Variants in GALNT2 observed in about 807,000 individuals in gnomAD.
GALNT2 encodes polypeptide N-acetylgalactosaminyltransferase 2.
Under a neutral mutation model 81.4 loss-of-function variants are expected in GALNT2, and 31 were observed. The observed-to-expected ratio is 0.38, with a 90% CI of 0.29 to 0.51. GALNT2 has a LOEUF of 0.51. GALNT2 is among the 20% of genes least tolerant of loss of function. The probability of loss-of-function intolerance (pLI) is 0.87; values close to 1 mark genes in which losing one functional copy is unlikely to be tolerated. For synonymous variants in GALNT2, 303 were observed against 287.4 expected, an observed-to-expected ratio of 1.05 and a Z score of -0.55; for missense variants, 629 against 765.7, an observed-to-expected ratio of 0.82 and a Z score of 2.11.
At chr1:230,170,869 C>T (rs547189137) in intron 1 of GALNT2, among the ~76,000 whole-genome samples, 46 of 152,220 alleles carry the variant, frequency 3.0e-4, no homozygotes, top group South Asian at 2.9e-3. Flanking sequence ...AGGGATCCAC[C>T]CCCATGACGC....
At chr1:230,202,664 C>G (rs1572081981) in intron 2 of GALNT2, among the ~76,000 whole-genome samples, 1 of 152,184 alleles carries the variant, frequency 6.6e-6, no homozygotes, top group African/African-American at 2.4e-5. Context: ...TTTTGATATC[C>G]TGTTCTTTAG....
At chr1:230,268,241 T>TAATGCAGATTTCACCA (rs2102771421) in intron 14 of GALNT2, 1 of 152,308 alleles carries the variant, frequency 6.6e-6, no homozygotes, top group African/African-American at 2.4e-5. Context: ...CACACAGCAT[T>TAATGCAGATTTCACCA]AATGCAGATT....
intron 1 of GALNT2, chr1:230,091,511 A>G (rs190744965): frequency 5.9e-5 from 9 of 152,324 alleles, no homozygotes; most frequent in Admixed American, 5.2e-4. Context: ...TATAGAATCA[A>G]TACCCTCTCC....
chr1:230,239,453 T>C (rs779692368), intron 6 of GALNT2, among the ~76,000 whole-genome samples: 2 of 152,194 alleles, frequency 1.3e-5, no homozygotes, highest in Admixed American at 1.3e-4. Context: ...CAGTCAGTGG[T>C]TGAATGTCCA....
At chr1:230,264,628 G>A (rs1033302413) in intron 13 of GALNT2, 2 of 152,308 alleles carry the variant, frequency 1.3e-5, no homozygotes, top group African/African-American at 2.4e-5. Context: ...TGCTTTACAC[G>A]AAATGTTCTA....
chr1:230,088,599 G>A (rs1055342534), intron 1 of GALNT2, among the ~76,000 whole-genome samples: 2 of 150,150 alleles, frequency 1.3e-5, no homozygotes, highest in African/African-American at 4.9e-5. Flanking sequence ...GTGCAGTGGC[G>A]CTATCTCGGC....
chr1:230,209,355 C>T (rs991216267), intron 3 of GALNT2, among the ~76,000 whole-genome samples: 3 of 146,448 alleles, frequency 2.0e-5, no homozygotes, highest in African/African-American at 5.3e-5. Context: ...TAAAGGGTGG[C>T]GCCCTGATCC....
intron 1 of GALNT2, among the ~76,000 whole-genome samples, chr1:230,111,118 G>T (rs1660691502): frequency 6.6e-6 from 1 of 152,292 alleles, no homozygotes; most frequent in Non-Finnish European, 1.5e-5. Context: ...TGGGCATGTG[G>T]CATGGGCATA....
intron 1 of GALNT2, among the ~76,000 whole-genome samples, chr1:230,136,997 C>T (rs1661570287): frequency 1.3e-5 from 2 of 152,216 alleles, no homozygotes; most frequent in Admixed American, 6.5e-5. Context: ...AGCATTTTTC[C>T]ATAGTCAGTG....
At chr1:230,202,165 G>A (rs773556536) in intron 2 of GALNT2, among the ~76,000 whole-genome samples, 11 of 152,032 alleles carry the variant, frequency 7.2e-5, no homozygotes, top group Admixed American at 6.6e-5. Context: ...GGCAAATGGC[G>A]AATGGTGCTT....
chr1:230,229,464 C>T (rs1664808960), intron 3 of GALNT2, among the ~76,000 whole-genome samples: 1 of 152,166 alleles, frequency 6.6e-6, no homozygotes, highest in Admixed American at 6.5e-5. Flanking sequence ...GCAGGATGAT[C>T]TCATGCAGGT....
At chr1:230,225,750 C>T (rs981853714) in intron 3 of GALNT2, among the ~76,000 whole-genome samples, 3 of 151,026 alleles carry the variant, frequency 2.0e-5, no homozygotes, top group African/African-American at 7.3e-5. Context: ...TCAAGTTATC[C>T]AGATGAGTCT....
At chr1:230,143,891 G>A (rs542929588) in intron 1 of GALNT2, among the ~76,000 whole-genome samples, 1 of 152,306 alleles carries the variant, frequency 6.6e-6, no homozygotes, top group East Asian at 1.9e-4. Flanking sequence ...TTGGCTGTTT[G>A]TCAGATATCA....
rs1035253177 is a variant in GALNT2 at position 230,281,185 on chromosome 1, T to A, written c.*1727T>A. Reference sequence around the variant, plus strand: ...GTATGAAAGGGGCCACTGTGTGTCTTCCTCCCCGGCGGGAGCCCCACATGT... The same window carrying A: ...GTATGAAAGGGGCCACTGTGTGTCTACCTCCCCGGCGGGAGCCCCACATGT... On this transcript the variant is annotated 3_prime_UTR_variant, in exon 16 of 16. Transcript: ENST00000366672. 1 of 152,208 alleles carries A rather than the reference T, an allele frequency of 6.6e-6. No individual in the cohort carries two copies. Among genetic ancestry groups the A allele is most frequent in the Non-Finnish European group, 1.5e-5 (1 of 68,108 alleles). The allele number at this position is 152,208 out of a possible 1,614,324, so 9.4% of individuals were successfully genotyped here.
At position 230,184,424 on chromosome 1, in the gene GALNT2, C is replaced by T. The variant is rs145747441; in HGVS notation, c.220+6113C>T. Among the ~76,000 whole-genome samples the T allele has an allele frequency of 6.8e-3, 1,027 of 152,034 alleles. 4 individuals carry two copies. The highest frequency in any genetic ancestry group is 0.01 in the Middle Eastern group (3 of 294). Reference sequence around the variant, plus strand: ...CAGGATGGTCTCGATCTCCTGACCTCGTGATCCACCCACCTTGGCCTCTCA... The same window carrying T: ...CAGGATGGTCTCGATCTCCTGACCTTGTGATCCACCCACCTTGGCCTCTCA... On this transcript the variant is annotated intron_variant, in intron 2 of 15. Transcript: ENST00000366672.
intron 1 of GALNT2, among the ~76,000 whole-genome samples, chr1:230,164,772 C>T (rs1662549621): frequency 6.6e-6 from 1 of 152,116 alleles, no homozygotes; most frequent in Non-Finnish European, 1.5e-5. Flanking sequence ...CCTTGTGATC[C>T]ACCTGCCTAG....
chr1:230,255,191 T>G, intron 10 of GALNT2, 27 bp from the exon 11 acceptor site: 7 of 1,614,186 alleles, frequency 4.3e-6, no homozygotes, highest in Non-Finnish European at 5.9e-6. Flanking sequence ...GCTCTGTCAG[T>G]CACCTGTGTC....
intron 1 of GALNT2, among the ~76,000 whole-genome samples, chr1:230,149,448 A>G (rs956534501): frequency 6.6e-6 from 1 of 152,118 alleles, no homozygotes; most frequent in Non-Finnish European, 1.5e-5. Context: ...CTATTATTGC[A>G]GTGATTCTTA....
intron 1 of GALNT2, among the ~76,000 whole-genome samples, chr1:230,084,314 G>A (rs919692668): frequency 6.6e-6 from 1 of 152,168 alleles, no homozygotes; most frequent in African/African-American, 2.4e-5. Context: ...AGGAAGGGCC[G>A]AGGAGGGGAC....
Sources: gnomAD v4.1 joint callset for allele counts (sites outside exome capture counted in the v4.1 genomes callset) on GRCh38, gnomAD v4.1.1 for gene constraint, MANE v1.5 for transcripts, NCBI Gene and HGNC (gene_info 2026-07-23, HGNC 2026-07-21) for gene names.